The following DYTN variants were observed in gnomAD, a reference collection of about 807,000 sequenced individuals.
The protein encoded by DYTN is dystrotelin.
A neutral mutation model predicts 69.6 loss-of-function variants in DYTN; 75 were observed. The observed-to-expected ratio is 1.08, with a 90% CI of 0.89 to 1.31. The LOEUF (loss-of-function observed/expected upper bound fraction) is 1.31, where lower values mean the gene tolerates loss of function less well. Among genes scored for constraint, DYTN ranks in the 50% most tolerant of loss-of-function variants. The pLI is 0.00. For synonymous variants in DYTN, 252 were observed against 249.1 expected (o/e 1.01, Z -0.11); for missense variants, 726 against 688.4 (o/e 1.05, Z -0.61).
At chr2:206,694,355 A>G (rs1699896683) in intron 8 of DYTN, among the ~76,000 whole-genome samples, 1 of 152,188 alleles carries the variant, frequency 6.6e-6, no homozygotes, top group African/African-American at 2.4e-5. Context: ...GGTTCAGGAA[A>G]AGACATGTTA....
chr2:206,666,142 C>A, intron 9 of DYTN, 113 bp from the exon 10 acceptor site: 1 of 1,384,624 alleles, frequency 7.2e-7, no homozygotes, highest in Non-Finnish European at 9.7e-7. Context: ...CTGGAAAACC[C>A]TGTGTCTCAA....
chr2:206,684,005 C>T (rs1574595135), intron 9 of DYTN, among the ~76,000 whole-genome samples: 1 of 151,078 alleles, frequency 6.6e-6, no homozygotes, highest in East Asian at 1.9e-4. Flanking sequence ...TGATATAATT[C>T]CTTTATATAC....
In DYTN at chr2:206,678,862, AGTTAT is replaced by A. The variant is rs572511880; in HGVS notation, c.981-12838_981-12834del. ...TAGCACTTTGTGATTTGAGATAAAA[AGTTAT>A]TCAATAAAAGAAGGTTTTAGATTTT... On this transcript the variant is annotated intron_variant, in intron 9 of 11. Transcript: ENST00000452335. Among the ~76,000 whole-genome samples, 12 of 152,336 alleles carry A rather than the reference AGTTAT, an allele frequency of 7.9e-5. No individual in the cohort carries two copies. In the South Asian group the frequency reaches 2.3e-3, roughly 29 times the overall value.
chr2:206,655,434 G>A (rs2105885657), intron 11 of DYTN, among the ~76,000 whole-genome samples: 1 of 151,984 alleles, frequency 6.6e-6, no homozygotes. Context: ...CTTTGAGATA[G>A]GGTCTTGCTC....
chr2:206,677,614 C>T (rs922826550), intron 9 of DYTN, among the ~76,000 whole-genome samples: 1 of 152,166 alleles, frequency 6.6e-6, no homozygotes, highest in Admixed American at 6.5e-5. Context: ...CAAAATACAG[C>T]TAGAGTCATT....
Position 206,665,879 on chromosome 2 carries a change from C to T in DYTN, c.1131G>A (p.Arg377=). ...SLWTKLQQIR[R]DLQARLQPPG... is the part of the protein sequence containing the mutation. ...CCCTCACATTTTATACCTGTAGGTC[C>T]CGTCTTATCTGTTGTAGCTTGGTCC... The change falls in exon 10 of 12, where the codon CGG becomes CGA. Residue 377 remains arginine, a synonymous_variant. Transcript: ENST00000452335. The T allele has an allele frequency of 4.3e-6, 7 of 1,613,476 alleles. No individual in the cohort carries two copies. Among genetic ancestry groups the T allele is most frequent in the Non-Finnish European group, 5.9e-6 (7 of 1,179,670 alleles).
chr2:206,656,292 AT>A (rs1699447285), intron 11 of DYTN, among the ~76,000 whole-genome samples: 1 of 152,174 alleles, frequency 6.6e-6, no homozygotes. Context: ...TCATATAACT[AT>A]AGCCACCCCT....
At position 206,680,435 on chromosome 2, in the gene DYTN, T is replaced by G. The variant is rs111428655; in HGVS notation, c.980+12740A>C. Among the ~76,000 whole-genome samples, 251 of 152,316 alleles carry G rather than the reference T, an allele frequency of 1.6e-3. 3 individuals carry two copies. Among genetic ancestry groups the G allele is most frequent in the African/African-American group, 5.8e-3 (241 of 41,574 alleles). On this transcript the variant is annotated intron_variant, in intron 9 of 11. Coordinates refer to ENST00000452335, the MANE Select transcript of DYTN (RefSeq NM_001093730.1). ...ATACACATCATTTTCTGTACTCAGA[T>G]ATTTACAAACATCAATATGTATTTT...
intron 7 of DYTN, among the ~76,000 whole-genome samples, chr2:206,695,647 A>T (rs1282039498): frequency 6.6e-6 from 1 of 152,266 alleles, no homozygotes; most frequent in Non-Finnish European, 1.5e-5. Flanking sequence ...AAGACCTAGC[A>T]GTCATCAGTT....
intron 11 of DYTN, among the ~76,000 whole-genome samples, chr2:206,655,076 C>T (rs1399765762): frequency 6.6e-6 from 1 of 152,116 alleles, no homozygotes; most frequent in Non-Finnish European, 1.5e-5. Context: ...AAAACTTCAG[C>T]TTTTCACCTT....
intron 9 of DYTN, among the ~76,000 whole-genome samples, chr2:206,692,795 CTTTCT>C (rs1216093148): frequency 6.6e-6 from 1 of 150,686 alleles, no homozygotes; most frequent in African/African-American, 2.4e-5. Context: ...TGCTGAGTGT[CTTTCT>C]TTTCCTTTTT....
At chr2:206,686,131 T>G (rs940297081) in intron 9 of DYTN, among the ~76,000 whole-genome samples, 2 of 151,878 alleles carry the variant, frequency 1.3e-5, no homozygotes, top group African/African-American at 4.8e-5. Context: ...TATTAGCGAG[T>G]CAGAGAGAAG....
At chr2:206,689,024 A>T (rs1699838677) in intron 9 of DYTN, among the ~76,000 whole-genome samples, 1 of 152,180 alleles carries the variant, frequency 6.6e-6, no homozygotes, top group Non-Finnish European at 1.5e-5. Flanking sequence ...AGTAATTCAC[A>T]ATTAAATTAG....
At chr2:206,696,936 T>C (rs1699925061) in intron 7 of DYTN, among the ~76,000 whole-genome samples, 1 of 152,310 alleles carries the variant, frequency 6.6e-6, no homozygotes, top group Non-Finnish European at 1.5e-5. Flanking sequence ...CTTAGTTTCT[T>C]CAACTAAGGA....
At chr2:206,659,108 A>T in intron 11 of DYTN, among the ~76,000 whole-genome samples, 1 of 151,610 alleles carries the variant, frequency 6.6e-6, no homozygotes, top group East Asian at 1.9e-4. Flanking sequence ...TGGAATTTAA[A>T]GAGGTTTGTG....
intron 5 of DYTN, among the ~76,000 whole-genome samples, chr2:206,703,721 C>T (rs1202319928): frequency 2.6e-5 from 4 of 152,152 alleles, no homozygotes; most frequent in African/African-American, 9.7e-5. Context: ...CCCTTGCTCC[C>T]ATCATGCATG....
chr2:206,712,592 T>C (rs1199076701), intron 1 of DYTN, among the ~76,000 whole-genome samples: 3 of 151,444 alleles, frequency 2.0e-5, no homozygotes, highest in Non-Finnish European at 2.9e-5. Context: ...AGAGACAGAG[T>C]GGGGTTGAGG....
rs79396934 is a variant in DYTN at position 206,698,539 on chromosome 2, C to T, written c.719+1188G>A. Among the ~76,000 whole-genome samples, 1,243 of 152,304 alleles carry T rather than the reference C, an allele frequency of 8.2e-3. 13 individuals carry two copies. Among genetic ancestry groups the T allele is most frequent in the African/African-American group, 0.029 (1,197 of 41,572 alleles). ...CTACCTGATGTCCCAGAGCTTTAGT[C>T]TTCCCACATCCCCAGCCCCTGTTCA... On this transcript the variant is annotated intron_variant, in intron 7 of 11. Transcript: ENST00000452335.
In DYTN at chr2:206,656,599, GT is replaced by G. The variant is rs1046005586; in HGVS notation, c.1634-4679del. 1.3e-3 allele frequency among the ~76,000 whole-genome samples: 198 copies of G among 151,558 alleles called. 1 individual carries two copies. Among genetic ancestry groups the G allele is most frequent in the African/African-American group, 4.6e-3 (189 of 41,344 alleles). On this transcript the variant is annotated intron_variant, in intron 11 of 11. Coordinates refer to ENST00000452335, the MANE Select transcript of DYTN (RefSeq NM_001093730.1). ...TGTCTTTTTAAAAAAATATTATTTC[GT>G]TTTTTTCTTTTGTGCATCTTTGACA...
Sources: gnomAD v4.1 joint callset for allele counts (sites outside exome capture counted in the v4.1 genomes callset) on GRCh38, gnomAD v4.1.1 for gene constraint, MANE v1.5 for transcripts, NCBI Gene and HGNC (gene_info 2026-07-23, HGNC 2026-07-21) for gene names.